Variants in LMLN observed in about 807,000 individuals in gnomAD.
LMLN encodes leishmanolysin like peptidase.
In LMLN, 70 loss-of-function variants were observed where a neutral mutation model predicts 92.3. The ratio of observed to expected loss-of-function variants is 0.76; its 90% CI spans 0.63 to 0.92. LMLN has a LOEUF of 0.92. Among genes scored for constraint, LMLN ranks in the 40% least tolerant of loss-of-function variants. The pLI, the probability that LMLN is intolerant of heterozygous loss-of-function variation, is 0.00. For missense variants in LMLN, 691 were observed against 814.6 expected, an observed-to-expected ratio of 0.85 and a Z score of 1.85; for synonymous variants, 308 against 296.2, an observed-to-expected ratio of 1.04 and a Z score of -0.41.
chr3:197,984,479 G>GGCTGCT (rs138301710), intron 7 of LMLN, among the ~76,000 whole-genome samples: 8 of 149,944 alleles, frequency 5.3e-5, no homozygotes, highest in Non-Finnish European at 8.9e-5. Context: ...CAGAGCCCTG[G>GGCTGCT]GCTGCTGCTG....
chr3:198,034,935 C>CT (rs1184062489), intron 14 of LMLN, among the ~76,000 whole-genome samples: 4 of 152,172 alleles, frequency 2.6e-5, no homozygotes, highest in African/African-American at 9.7e-5. Flanking sequence ...TGGCTCAAAC[C>CT]TTTAATCCCA....
intron 10 of LMLN, chr3:197,996,529 A>T (rs938354359): frequency 1.5e-5 from 4 of 263,574 alleles, no homozygotes; most frequent in Non-Finnish European, 2.8e-5. Context: ...TCACATATTT[A>T]TGCAACTTTT....
intron 11 of LMLN, 149 bp from the exon 12 acceptor site, chr3:198,002,866 T>C (rs1722212112): frequency 1.9e-6 from 1 of 539,114 alleles, no homozygotes; most frequent in South Asian, 2.8e-5. Flanking sequence ...GCAAGAACGT[T>C]GTGAGTGATC....
In LMLN at chr3:197,968,193, G is replaced by A. The variant is rs148228066; in HGVS notation, c.220-6184G>A. On this transcript the variant is annotated intron_variant, in intron 1 of 15. Coordinates refer to ENST00000330198, the Ensembl canonical transcript of LMLN. ...AAGAAGTTATAAGAGTACACTGGGC[G>A]TGGTGGCTTATGCCTGTAATCCCAG... is the stretch of plus-strand genomic sequence containing the variant. Among the ~76,000 whole-genome samples the A allele has an allele frequency of 1.0e-3, 159 of 152,298 alleles. 1 individual carries two copies. Among genetic ancestry groups the A allele is most frequent in the Non-Finnish European group, 4.1e-4 (28 of 68,020 alleles).
chr3:197,980,611 C>T (rs868502504), intron 6 of LMLN, 107 bp downstream of exon 6: 12 of 1,106,936 alleles, frequency 1.1e-5, no homozygotes, highest in African/African-American at 6.2e-5. Flanking sequence ...TGCCAGATTG[C>T]CTCTGGTAGA....
chr3:197,995,276 CTG>C (rs1411669221), intron 9 of LMLN, among the ~76,000 whole-genome samples: 2 of 152,056 alleles, frequency 1.3e-5, no homozygotes, highest in Non-Finnish European at 2.9e-5. Context: ...TGAGAATTGA[CTG>C]TGCAGTTACT....
At position 197,975,079 on chromosome 3, in the gene LMLN, A is replaced by T. The variant is rs767705193; in HGVS notation, c.348+7A>T. On this transcript the variant is annotated splice_region_variant and intron_variant, in intron 3 of 15. Transcript: ENST00000330198. ...GAAAAAGAATCTTGTAAAGGTATGTAATAAATACTCATAACTTGAATTGGA... is the reference window on the plus strand; with the variant it reads ...GAAAAAGAATCTTGTAAAGGTATGTTATAAATACTCATAACTTGAATTGGA... 1 of 1,430,680 alleles carries T rather than the reference A, an allele frequency of 7.0e-7. No individual in the cohort carries two copies. Among genetic ancestry groups the T allele is most frequent in the South Asian group, 1.2e-5 (1 of 82,550 alleles). 88.6% of individuals were successfully genotyped at this position (1,430,680 alleles called of 1,614,324 possible).
chr3:198,035,246 T>G (rs1321251894), intron 14 of LMLN, among the ~76,000 whole-genome samples: 1 of 152,050 alleles, frequency 6.6e-6, no homozygotes, highest in African/African-American at 2.4e-5. Flanking sequence ...CTTGTAATTT[T>G]TGGGAAAAGT....
intron 6 of LMLN, 33 bp downstream of exon 6, chr3:197,980,537 T>G: frequency 6.3e-7 from 1 of 1,591,400 alleles, no homozygotes; most frequent in African/African-American, 1.4e-5. Flanking sequence ...GTTTCCAAGA[T>G]CTAATGTGGG....
chr3:198,021,368 G>A (rs1438172445), intron 12 of LMLN, 78 bp from the exon 14 acceptor site: 36 of 1,319,244 alleles, frequency 2.7e-5, no homozygotes, highest in Non-Finnish European at 3.6e-5. Context: ...AAAGGGTTGC[G>A]AGAAATTGCC....
At chr3:197,979,372 G>A (rs1373336745) in intron 5 of LMLN, among the ~76,000 whole-genome samples, 215 of 152,270 alleles carry the variant, frequency 1.4e-3, no homozygotes, top group African/African-American at 5.1e-3. Context: ...GACCATTACA[G>A]AGGCAAATAA....
rs1722893635 is a variant in LMLN, at chr3:198,025,143, T to C, written c.1656+355T>C. Among the ~76,000 whole-genome samples the C allele has an allele frequency of 6.6e-6, 1 of 152,122 alleles. No individual in the cohort carries two copies. The highest frequency in any genetic ancestry group is 2.4e-5 in the African/African-American group (1 of 41,428). ...CTGAGGACCTCATGGGTTATAAGAA[T>C]TAGTAAATCAGGCTGGACGTGGTGG... On this transcript the variant is annotated intron_variant, in intron 14 of 15. Transcript: ENST00000330198. The surrounding 1 kb of genome is among the most constrained non-coding windows in gnomAD (Gnocchi z 4.3).
intron 8 of LMLN, among the ~76,000 whole-genome samples, chr3:197,986,285 C>T (rs1310040264): frequency 1.3e-5 from 2 of 152,084 alleles, no homozygotes; most frequent in Non-Finnish European, 2.9e-5. Context: ...CGTGGCAAAA[C>T]CCTGTCTCTA....
chr3:198,027,847 C>A lies in LMLN; in HGVS notation c.1656+3059C>A, dbSNP rs1373254044. Among the ~76,000 whole-genome samples the A allele has an allele frequency of 3.9e-5, 6 of 152,068 alleles. No individual in the cohort carries two copies. The South Asian group carries it at 8.3e-4, about 21-fold the overall frequency. On this transcript the variant is annotated intron_variant, in intron 14 of 15. Coordinates refer to ENST00000330198, the Ensembl canonical transcript of LMLN. ...CTGGCTTCCGCGTATCTGTCTGAGT[C>A]CCTATTTTCAGTCTACTCAGCAGTA...
chr3:197,972,568 C>G (rs1432818234), intron 1 of LMLN, among the ~76,000 whole-genome samples: 1 of 152,100 alleles, frequency 6.6e-6, no homozygotes, highest in Non-Finnish European at 1.5e-5. Context: ...GGGTCTGTTT[C>G]TATTCCCTGC....
At position 197,969,793 on chromosome 3, in the gene LMLN, TG is replaced by T. The variant is rs1362338473; in HGVS notation, c.220-4583del. ...AACAGCATAATTTCATTCATTTTGC[TG>T]TTGTTGTAATATAATATTGTAAATA... On this transcript the variant is annotated intron_variant, in intron 1 of 15. Coordinates refer to ENST00000330198, the Ensembl canonical transcript of LMLN. Among the ~76,000 whole-genome samples the T allele has an allele frequency of 5.3e-5, 8 of 152,330 alleles. No individual in the cohort carries two copies. In the East Asian group the frequency reaches 1.5e-3, roughly 29 times the overall value.
At chr3:198,012,840 C>T (rs1313786706) in intron 11 of LMLN, among the ~76,000 whole-genome samples, 4 of 146,346 alleles carry the variant, frequency 2.7e-5, no homozygotes, top group South Asian at 2.2e-4. Context: ...CTCCACCCTT[C>T]AGAGTCCCCT....
intron 11 of LMLN, among the ~76,000 whole-genome samples, chr3:198,016,644 T>C (rs1044567050): frequency 6.6e-6 from 1 of 152,226 alleles, no homozygotes; most frequent in African/African-American, 2.4e-5. Flanking sequence ...AGGGAGGTTT[T>C]TGTTTGTTCA....
chr3:197,967,588 C>T (rs1039447436), intron 1 of LMLN, among the ~76,000 whole-genome samples: 3 of 152,186 alleles, frequency 2.0e-5, no homozygotes, highest in African/African-American at 7.2e-5. Flanking sequence ...ATCAAAAACT[C>T]CTGATAAGGG....
Sources: allele counts gnomAD v4.1 joint callset (sites outside exome capture counted in the v4.1 genomes callset), GRCh38; gene constraint gnomAD v4.1.1; non-coding constraint Gnocchi (gnomAD v3.1); transcripts MANE v1.5; gene names NCBI Gene and HGNC (gene_info 2026-07-23, HGNC 2026-07-21).